NEMP2: variants seen among roughly 807,000 people sequenced by gnomAD.
NEMP2 encodes the protein UPF0571 transmembrane protein.
A neutral mutation model predicts 54.2 loss-of-function variants in NEMP2; 53 were observed. The ratio of observed to expected loss-of-function variants is 0.98; its 90% CI spans 0.78 to 1.23. The LOEUF (loss-of-function observed/expected upper bound fraction) is 1.23, where lower values mean the gene tolerates loss of function less well. Ranked by LOEUF, NEMP2 falls within the 50% of genes most tolerant of loss-of-function variation. The pLI, the probability that NEMP2 is intolerant of heterozygous loss-of-function variation, is 0.00. For synonymous variants in NEMP2, 197 were observed against 190.3 expected, an observed-to-expected ratio of 1.04 and a Z score of -0.29; for missense variants, 455 against 511.3, an observed-to-expected ratio of 0.89 and a Z score of 1.06.
At chr2:190,492,036 G>C in the NEMP2 span, among the ~76,000 whole-genome samples, 3 of 152,160 alleles carry the variant, frequency 2.0e-5, no homozygotes, top group African/African-American at 7.2e-5. The surrounding 1 kb of genome is among the most constrained non-coding windows in gnomAD (Gnocchi z 5.2). Flanking sequence ...CTCAGCAACA[G>C]AATCGAAGAA....
upstream of NEMP2, chr2:190,534,930 T>C (rs376079897): frequency 5.0e-4 from 157 of 311,114 alleles, 1 homozygote; most frequent in East Asian, 4.3e-3. Context: ...GCCTCGGCCT[T>C]GGCCTCCGGG....
At chr2:190,435,092 A>T in the NEMP2 span, among the ~76,000 whole-genome samples, 4 of 152,310 alleles carry the variant, frequency 2.6e-5, no homozygotes, top group African/African-American at 9.6e-5. Flanking sequence ...AGGAAAAATT[A>T]TCTTCCATGA....
the NEMP2 span, among the ~76,000 whole-genome samples, chr2:190,421,702 T>A: frequency 6.6e-6 from 1 of 151,786 alleles, no homozygotes; most frequent in African/African-American, 2.4e-5. Context: ...ACTGTAAGCA[T>A]GTACCACCAT....
chr2:190,621,172 G>A, the NEMP2 span, among the ~76,000 whole-genome samples: 1 of 152,236 alleles, frequency 6.6e-6, no homozygotes, highest in African/African-American at 2.4e-5. Flanking sequence ...GTTGTTAGAT[G>A]TAGGTGATTT....
the NEMP2 span, among the ~76,000 whole-genome samples, chr2:190,599,492 C>A: frequency 3.9e-5 from 6 of 152,096 alleles, no homozygotes; most frequent in African/African-American, 1.2e-4. Context: ...TGTATTTTTC[C>A]ATATTTGCTA....
chr2:190,563,249 C>T, the NEMP2 span, among the ~76,000 whole-genome samples: 1 of 152,280 alleles, frequency 6.6e-6, no homozygotes, highest in South Asian at 2.1e-4. This position sits in a 1 kb window ranked among gnomAD's most constrained non-coding sequence, Gnocchi z 4.3. Context: ...TCCCCGCTGA[C>T]TCAGCGGCCC....
the NEMP2 span, among the ~76,000 whole-genome samples, chr2:190,565,484 A>G: frequency 2.0e-5 from 3 of 152,194 alleles, no homozygotes; most frequent in South Asian, 6.2e-4. Context: ...TGGAGTTGAG[A>G]GTTCAGAACA....
the NEMP2 span, among the ~76,000 whole-genome samples, chr2:190,599,106 GC>G: frequency 6.6e-6 from 1 of 152,134 alleles, no homozygotes; most frequent in Non-Finnish European, 1.5e-5. Context: ...CTAAAATCAT[GC>G]TGTAATTTAT....
the NEMP2 span, among the ~76,000 whole-genome samples, chr2:190,602,045 T>C: frequency 1.3e-5 from 2 of 152,200 alleles, no homozygotes; most frequent in East Asian, 3.9e-4. Context: ...CCCTGACTAA[T>C]TTGAGGATGA....
the NEMP2 span, among the ~76,000 whole-genome samples, chr2:190,482,115 T>C: frequency 8.5e-5 from 13 of 152,294 alleles, 2 homozygotes; most frequent in African/African-American, 2.9e-4. Flanking sequence ...GGTGTGTCAC[T>C]CCCTTCTCTG....
chr2:190,532,083 G>A (rs530028150), intron 1 of NEMP2, among the ~76,000 whole-genome samples: 1 of 152,170 alleles, frequency 6.6e-6, no homozygotes, highest in African/African-American at 2.4e-5. Flanking sequence ...TTTTCTTTGG[G>A]GACAAGGAAG....
At chr2:190,480,204 T>A in the NEMP2 span, among the ~76,000 whole-genome samples, 1 of 152,232 alleles carries the variant, frequency 6.6e-6, no homozygotes, top group Non-Finnish European at 1.5e-5. Context: ...CCTCCTCTTA[T>A]GCTCTGCAAG....
At chr2:190,472,645 CA>C in the NEMP2 span, among the ~76,000 whole-genome samples, 6 of 152,130 alleles carry the variant, frequency 3.9e-5, no homozygotes, top group Non-Finnish European at 8.8e-5. Context: ...AGAATGGAAC[CA>C]AGTTGGAAAA....
chr2:190,517,488 AT>A, intron 5 of NEMP2, 31 bp downstream of exon 5: 1 of 1,443,168 alleles, frequency 6.9e-7, no homozygotes, highest in Non-Finnish European at 9.4e-7. Context: ...CATGATTTCC[AT>A]TTTTTACTCA....
At chr2:190,644,408 T>C in the NEMP2 span, among the ~76,000 whole-genome samples, 1 of 152,246 alleles carries the variant, frequency 6.6e-6, no homozygotes, top group Non-Finnish European at 1.5e-5. The surrounding 1 kb of genome is among the most constrained non-coding windows in gnomAD (Gnocchi z 4.4). Flanking sequence ...TCATTTACCA[T>C]TGACTGGTCT....
In NEMP2 at chr2:190,530,470, A is replaced by G. The variant is rs1250321109; in HGVS notation, c.97+4089T>C. 6.6e-6 allele frequency among the ~76,000 whole-genome samples: 1 copy of G among 152,226 alleles called. No individual in the cohort carries two copies. The highest frequency in any genetic ancestry group is 2.1e-4 in the South Asian group (1 of 4,836). ...ATAAGAAGCCACAAGCCTAGCTTCA[A>G]GTCAGTTCATTAAGCCACGGGCTAT... On this transcript the variant is annotated intron_variant, in intron 1 of 8. Transcript: ENST00000409150. This position sits in a 1 kb window ranked among gnomAD's most constrained non-coding sequence, Gnocchi z 4.6.
At chr2:190,479,080 G>T in the NEMP2 span, among the ~76,000 whole-genome samples, 1 of 152,134 alleles carries the variant, frequency 6.6e-6, no homozygotes, top group South Asian at 2.1e-4. Flanking sequence ...CTCAGGCCAT[G>T]TTCATAATAA....
At chr2:190,549,551 G>GT in the NEMP2 span, among the ~76,000 whole-genome samples, 4 of 151,850 alleles carry the variant, frequency 2.6e-5, no homozygotes, top group South Asian at 2.1e-4. Flanking sequence ...ACAATTCTTT[G>GT]TTTTTTTGAA....
the NEMP2 span, among the ~76,000 whole-genome samples, chr2:190,601,278 C>CT: frequency 6.6e-6 from 1 of 152,166 alleles, no homozygotes; most frequent in East Asian, 1.9e-4. This position sits in a 1 kb window ranked among gnomAD's most constrained non-coding sequence, Gnocchi z 5.8. Context: ...AGGCCCAGAA[C>CT]GATCCTTCCA....
Sources: gnomAD v4.1 joint callset for allele counts (sites outside exome capture counted in the v4.1 genomes callset) on GRCh38, gnomAD v4.1.1 for gene constraint, Gnocchi (gnomAD v3.1) non-coding constraint, MANE v1.5 for transcripts, NCBI Gene and HGNC (gene_info 2026-07-23, HGNC 2026-07-21) for gene names.